Variants in DOCK1 observed in about 807,000 individuals in gnomAD.
The protein encoded by DOCK1 is dedicator of cytokinesis protein 1.
In DOCK1, 138 loss-of-function variants were observed where a neutral mutation model predicts 262.7. That is an observed-to-expected ratio of 0.53 (90% CI 0.46 to 0.61). The LOEUF is 0.61. Among genes scored for constraint, DOCK1 ranks in the 20% least tolerant of loss-of-function variants. DOCK1 has a pLI of 0.00. For missense variants in DOCK1, 1,908 were observed against 2,370.7 expected (o/e 0.80, Z 4.05); for synonymous variants, 866 against 867.4 (o/e 1.00, Z 0.03).
chr10:127,030,390 C>T (rs1359202999), intron 16 of DOCK1, among the ~76,000 whole-genome samples: 1 of 152,190 alleles, frequency 6.6e-6, no homozygotes, highest in Non-Finnish European at 1.5e-5. Flanking sequence ...CTGTCTGTCA[C>T]CAGCCACACT....
chr10:126,927,110 A>T (rs2033797433), intron 1 of DOCK1, among the ~76,000 whole-genome samples: 1 of 152,200 alleles, frequency 6.6e-6, no homozygotes, highest in South Asian at 2.1e-4. Context: ...TGAGGAAATA[A>T]GGCTCAGAAC....
At chr10:127,335,779 A>G (rs1286465041) in intron 29 of DOCK1, among the ~76,000 whole-genome samples, 12 of 149,238 alleles carry the variant, frequency 8.0e-5, no homozygotes, top group African/African-American at 1.5e-4. Flanking sequence ...CAGTGGTGCA[A>G]TCTCGGCTCA....
intron 1 of DOCK1, among the ~76,000 whole-genome samples, chr10:126,915,478 G>A (rs1036737644): frequency 6.6e-6 from 1 of 152,088 alleles, no homozygotes; most frequent in Non-Finnish European, 1.5e-5. Flanking sequence ...GAGTGCAGGG[G>A]CACAATCTTG....
At chr10:127,139,599 G>T (rs1333158572) in intron 27 of DOCK1, among the ~76,000 whole-genome samples, 1 of 152,166 alleles carries the variant, frequency 6.6e-6, no homozygotes, top group Non-Finnish European at 1.5e-5. Flanking sequence ...TGTGAAAAGT[G>T]CAGTCTAAGG....
At chr10:127,145,396 T>A (rs2051714799) in intron 27 of DOCK1, among the ~76,000 whole-genome samples, 1 of 152,186 alleles carries the variant, frequency 6.6e-6, no homozygotes, top group South Asian at 2.1e-4. Flanking sequence ...GTCATGATAA[T>A]CAGAGGAGTC....
intron 50 of DOCK1, among the ~76,000 whole-genome samples, chr10:127,445,617 G>A (rs1889478): frequency 0.33 from 49,845 of 152,000 alleles, 8,466 homozygotes; most frequent in East Asian, 0.44. Context: ...AAAGTTCAAT[G>A]TAGAATAAAC....
At chr10:127,163,567 G>C (rs1482495454) in intron 27 of DOCK1, among the ~76,000 whole-genome samples, 1 of 152,122 alleles carries the variant, frequency 6.6e-6, no homozygotes, top group Non-Finnish European at 1.5e-5. Flanking sequence ...CTGTGTGAGT[G>C]CCCTTTTGGG....
intron 25 of DOCK1, among the ~76,000 whole-genome samples, chr10:127,111,985 G>C (rs1353606468): frequency 6.6e-6 from 1 of 151,900 alleles, no homozygotes; most frequent in Admixed American, 6.6e-5. Flanking sequence ...CTTTGAATAA[G>C]GATGTAAGCC....
chr10:127,052,822 A>ACCTAT lies in DOCK1; in HGVS notation c.2336+10_2336+14dup. 1.2e-6 allele frequency: 2 copies of ACCTAT among 1,607,486 alleles called. No homozygotes were observed. Among genetic ancestry groups the ACCTAT allele is most frequent in the Non-Finnish European group, 1.7e-6 (2 of 1,176,564 alleles). On this transcript the variant is annotated splice_region_variant and intron_variant, in intron 22 of 51. Transcript: ENST00000623213. Reference sequence around the variant, plus strand: ...CCAGGATCCTGTTCAATCAGTGCGTACCTATCCCCTCCATGCCCGGGCTCT... The same window carrying ACCTAT: ...CCAGGATCCTGTTCAATCAGTGCGTACCTATCCTATCCCCTCCATGCCCGGGCTCT...
At chr10:126,983,658 T>A (rs534227755) in intron 4 of DOCK1, among the ~76,000 whole-genome samples, 1 of 152,188 alleles carries the variant, frequency 6.6e-6, no homozygotes, top group Admixed American at 6.5e-5. Context: ...GGCTCTGTCT[T>A]TCTCTTGCAA....
chr10:127,274,435 C>T (rs2060673189), intron 29 of DOCK1, among the ~76,000 whole-genome samples: 1 of 152,162 alleles, frequency 6.6e-6, no homozygotes, highest in African/African-American at 2.4e-5. Context: ...GTTTGGGCCA[C>T]TGTGCAGAGC....
chr10:126,913,221 A>G (rs2032068775), intron 1 of DOCK1, among the ~76,000 whole-genome samples: 1 of 152,202 alleles, frequency 6.6e-6, no homozygotes, highest in Non-Finnish European at 1.5e-5. Context: ...TCTGAGCTCA[A>G]CCTACCTGGG....
intron 23 of DOCK1, among the ~76,000 whole-genome samples, chr10:127,062,162 T>C (rs2045578991): frequency 1.3e-5 from 2 of 151,964 alleles, no homozygotes; most frequent in Admixed American, 1.3e-4. Context: ...TGGTCTCCAA[T>C]TCCTGACCTC....
chr10:126,994,708 A>G (rs1005399480), intron 6 of DOCK1, among the ~76,000 whole-genome samples: 2 of 152,252 alleles, frequency 1.3e-5, no homozygotes, highest in African/African-American at 4.8e-5. Flanking sequence ...GGAGTCTCCC[A>G]TGTCTACTTC....
intron 23 of DOCK1, among the ~76,000 whole-genome samples, chr10:127,075,359 C>T (rs746513562): frequency 6.6e-6 from 1 of 151,972 alleles, no homozygotes; most frequent in Non-Finnish European, 1.5e-5. Flanking sequence ...GTAGCCTTGA[C>T]CTCCTGGGCT....
chr10:127,125,458 G>A lies in DOCK1; in HGVS notation c.2624-16G>A. On this transcript the variant is annotated splice_polypyrimidine_tract_variant and intron_variant, in intron 25 of 51. Coordinates refer to ENST00000623213, the MANE Select transcript of DOCK1 (RefSeq NM_001290223.2). ...GGTGGGTTTCACACTGACTGGCAAT[G>A]CTGTGTCCTGTGTAGACTGCAGAGA... 2 of 1,611,870 alleles carry A rather than the reference G, an allele frequency of 1.2e-6. No homozygotes were observed.
chr10:127,022,999 C>T (rs1591702153), intron 13 of DOCK1, among the ~76,000 whole-genome samples: 1 of 152,234 alleles, frequency 6.6e-6, no homozygotes, highest in South Asian at 2.1e-4. Context: ...GAGATTTTTC[C>T]TCTTTCTAGA....
Position 126,998,153 on chromosome 10 carries a change from C to T in DOCK1, c.671C>T (p.Ala224Val), listed in dbSNP as rs1280071759. 6.2e-7 allele frequency: 1 copy of T among 1,613,976 alleles called. No individual in the cohort carries two copies. The highest frequency in any genetic ancestry group is 1.3e-5 in the African/African-American group (1 of 75,020). The change falls in exon 8 of 52, where the codon GCC becomes GTC. Residue 224 changes from alanine (A) to valine (V), a missense_variant. Ala to Val is a moderately conservative substitution (Grantham distance 64). Around this residue, in one of 9 missense-constraint regions of DOCK1, gnomAD observed 227 missense variants for 254.1 expected, o/e 0.89. Transcript: ENST00000623213. ...AAGTTTGCTGCAACCCCTTCTCTGGCCTTGTTTGTGAACCTCAAAAATGTG... is the reference window on the plus strand; with the variant it reads ...AAGTTTGCTGCAACCCCTTCTCTGGTCTTGTTTGTGAACCTCAAAAATGTG... Reference protein sequence around the residue: ...QAKFAATPSLALFVNLKNVVC... With the variant: ...QAKFAATPSLVLFVNLKNVVC...
chr10:126,999,617 A>G (rs547476683), intron 9 of DOCK1, among the ~76,000 whole-genome samples, 182 bp downstream of exon 9: 1 of 152,324 alleles, frequency 6.6e-6, no homozygotes, highest in South Asian at 2.1e-4. Context: ...AGCCACCCTT[A>G]GAATCACCGT....
Sources: gnomAD v4.1 joint callset for allele counts (sites outside exome capture counted in the v4.1 genomes callset) on GRCh38, gnomAD v4.1.1 for gene constraint, gnomAD v4.1.1 regional missense constraint, MANE v1.5 for transcripts, NCBI Gene and HGNC (gene_info 2026-07-23, HGNC 2026-07-21) for gene names.